CUX2: variants seen among roughly 807,000 people sequenced by gnomAD.
The protein encoded by CUX2 is cut like homeobox 2.
A neutral mutation model predicts 144.8 loss-of-function variants in CUX2; 40 were observed. The observed-to-expected ratio is 0.28, with a 90% CI of 0.21 to 0.36. CUX2 has a LOEUF of 0.36. CUX2 is among the 10% of genes least tolerant of loss of function. The probability of loss-of-function intolerance (pLI) is 1.00; values close to 1 mark genes in which losing one functional copy is unlikely to be tolerated. For synonymous variants in CUX2, 827 were observed against 875.6 expected (o/e 0.94, Z 0.98); for missense variants, 1,615 against 1,994.0 (o/e 0.81, Z 3.62).
At chr12:111,051,029 A>G (rs934955593) in intron 1 of CUX2, among the ~76,000 whole-genome samples, 1 of 152,238 alleles carries the variant, frequency 6.6e-6, no homozygotes, top group African/African-American at 2.4e-5. Flanking sequence ...TACCTGGGTG[A>G]TGGATATCCT....
At chr12:111,069,678 T>C (rs1250350917) in intron 1 of CUX2, among the ~76,000 whole-genome samples, 1 of 152,152 alleles carries the variant, frequency 6.6e-6, no homozygotes, top group Non-Finnish European at 1.5e-5. Context: ...TCCCTGTGTC[T>C]TCACATGGTC....
intron 4 of CUX2, among the ~76,000 whole-genome samples, chr12:111,269,491 GC>G (rs1378695803): frequency 6.6e-6 from 1 of 152,166 alleles, no homozygotes; most frequent in Non-Finnish European, 1.5e-5. Flanking sequence ...CATGGGCCCA[GC>G]CCTCAGAAGC....
intron 1 of CUX2, among the ~76,000 whole-genome samples, chr12:111,124,246 C>T (rs574356066): frequency 6.6e-6 from 1 of 152,312 alleles, no homozygotes; most frequent in East Asian, 1.9e-4. Context: ...ATTTGATCAT[C>T]GTTTTACTGA....
chr12:111,127,067 A>G (rs1406300364), intron 1 of CUX2, among the ~76,000 whole-genome samples: 1 of 152,190 alleles, frequency 6.6e-6, no homozygotes, highest in Non-Finnish European at 1.5e-5. Context: ...CTAATAAGGG[A>G]ATGAGAAGAA....
chr12:111,247,293 G>A (rs1009223053), intron 3 of CUX2, among the ~76,000 whole-genome samples: 3 of 152,178 alleles, frequency 2.0e-5, no homozygotes, highest in Non-Finnish European at 4.4e-5. Flanking sequence ...AGGCTCTCCC[G>A]GGGCTGTCTC....
At chr12:111,069,572 T>C (rs1871177630) in intron 1 of CUX2, among the ~76,000 whole-genome samples, 1 of 145,596 alleles carries the variant, frequency 6.9e-6, no homozygotes, top group African/African-American at 2.5e-5. Context: ...GTGTGTGTGT[T>C]ATTTTCTCAT....
chr12:111,147,828 G>A (rs114172450), intron 1 of CUX2, among the ~76,000 whole-genome samples: 1 of 152,158 alleles, frequency 6.6e-6, no homozygotes, highest in Non-Finnish European at 1.5e-5. Flanking sequence ...GATGTGTCCA[G>A]CAGGTCTCAG....
chr12:111,062,217 T>G (rs1428702203), intron 1 of CUX2, among the ~76,000 whole-genome samples: 2 of 152,224 alleles, frequency 1.3e-5, no homozygotes, highest in African/African-American at 4.8e-5. Context: ...CATGCACGTT[T>G]CTGTTGGGGA....
Position 111,330,724 on chromosome 12 carries a change from T to TACAC in CUX2, c.2927-3716_2927-3715insCACA, listed in dbSNP as rs1267309535. 1.3e-3 allele frequency among the ~76,000 whole-genome samples: 68 copies of TACAC among 51,328 alleles called. 5 individuals carry two copies. Among genetic ancestry groups the TACAC allele is most frequent in the African/African-American group, 6.9e-3 (67 of 9,642 alleles). The allele number at this position is 51,328 out of a possible 152,430, so 33.7% of individuals were successfully genotyped here. A position where few individuals can be genotyped will look rare whatever the true frequency, so the allele number is the denominator to read the frequency against. On this transcript the variant is annotated intron_variant, in intron 18 of 21. Transcript: ENST00000261726. ...ATATATATATATATATATATATATA[T>TACAC]ATATATATATATATATATATATATA... is the stretch of plus-strand genomic sequence containing the variant.
chr12:111,175,225 G>A (rs901023033), intron 1 of CUX2, among the ~76,000 whole-genome samples: 7 of 151,970 alleles, frequency 4.6e-5, no homozygotes, highest in Non-Finnish European at 7.4e-5. Flanking sequence ...ACTTTTCTCC[G>A]AGGAAATTTA....
chr12:111,048,934 G>A (rs1393183524), intron 1 of CUX2, among the ~76,000 whole-genome samples: 1 of 151,910 alleles, frequency 6.6e-6, no homozygotes. Flanking sequence ...AGGGGTTGGG[G>A]GATCACCTCT....
rs764440579 is a variant in CUX2, at chr12:111,342,028, G to A, written c.3634G>A (p.Val1212Ile). 1.4e-5 allele frequency: 23 copies of A among 1,613,596 alleles called. No individual in the cohort carries two copies. The highest frequency in any genetic ancestry group is 5.5e-5 in the South Asian group (5 of 91,020). The change falls in exon 21 of 22, where the codon GTC (valine) becomes ATC (isoleucine). Residue 1212 changes from valine to isoleucine, a missense_variant. Coordinates refer to ENST00000261726, the MANE Select transcript of CUX2 (RefSeq NM_015267.4). ...CCAGCTCAACCTCAAGACCAACACC[G>A]TCATCAACTGGTTCCACAACTACAG... ...SFQLNLKTNT[V>I]INWFHNYRSR...
intron 3 of CUX2, among the ~76,000 whole-genome samples, chr12:111,230,458 A>C (rs143490187): frequency 6.6e-6 from 1 of 152,232 alleles, no homozygotes; most frequent in East Asian, 1.9e-4. Context: ...AGACCTCTAA[A>C]ACCAAGATCT....
chr12:111,090,080 C>T (rs1187437866), intron 1 of CUX2, among the ~76,000 whole-genome samples: 1 of 152,146 alleles, frequency 6.6e-6, no homozygotes, highest in African/African-American at 2.4e-5. Flanking sequence ...GAGGCAGCTG[C>T]AGCATCTTGA....
chr12:111,194,527 G>T (rs1012874907), intron 1 of CUX2, among the ~76,000 whole-genome samples: 1 of 152,174 alleles, frequency 6.6e-6, no homozygotes, highest in African/African-American at 2.4e-5. Context: ...CTAGACTCCC[G>T]ACCCTGCTGG....
chr12:111,208,097 G>C (rs1322817963), intron 1 of CUX2, among the ~76,000 whole-genome samples: 4 of 152,102 alleles, frequency 2.6e-5, no homozygotes, highest in Admixed American at 2.6e-4. Context: ...TCCTAGGCCA[G>C]GTTTTAAACC....
chr12:111,269,434 G>A (rs1260197032), intron 4 of CUX2, among the ~76,000 whole-genome samples: 3 of 152,120 alleles, frequency 2.0e-5, no homozygotes. Flanking sequence ...TGTGTGCCCG[G>A]CACTTGCTGG....
rs201155645 is a variant in CUX2, at chr12:111,341,944, C to T, written c.3550C>T (p.Arg1184Trp). The T allele has an allele frequency of 5.6e-6, 9 of 1,614,120 alleles. No homozygotes were observed. The highest frequency in any genetic ancestry group is 4.0e-5 in the African/African-American group (3 of 75,020). The change falls in exon 21 of 22, where the codon CGG becomes TGG. Residue 1184 changes from arginine (R) to tryptophan (W), a missense_variant. Arg to Trp is a moderately radical substitution (Grantham distance 101). This residue lies in a region of CUX2 where 131 missense variants were observed against 223.1 expected (regional missense o/e 0.59). Coordinates refer to ENST00000261726, the MANE Select transcript of CUX2 (RefSeq NM_015267.4). ...GGCACCCGAGGAGAAGGAGGCACTGCGGAAGGCCTATCAGCTGGAACCCTA... is the reference window on the plus strand; with the variant it reads ...GGCACCCGAGGAGAAGGAGGCACTGTGGAAGGCCTATCAGCTGGAACCCTA... ...VLAPEEKEAL[R>W]KAYQLEPYPS...
chr12:111,321,196 C>T (rs562721675), intron 17 of CUX2, among the ~76,000 whole-genome samples: 22 of 151,676 alleles, frequency 1.5e-4, no homozygotes, highest in Non-Finnish European at 2.4e-4. Flanking sequence ...AAGCTGGGCA[C>T]GGTGGCTCAC....
Sources: allele counts gnomAD v4.1 joint callset (sites outside exome capture counted in the v4.1 genomes callset), GRCh38; gene constraint gnomAD v4.1.1; regional missense constraint gnomAD v4.1.1; transcripts MANE v1.5; gene names NCBI Gene and HGNC (gene_info 2026-07-23, HGNC 2026-07-21).